Variants in SF3B3 observed in about 807,000 individuals in gnomAD.
SF3B3 encodes SAP 130.
Under a neutral mutation model 139.2 loss-of-function variants are expected in SF3B3, and 33 were observed. That is an observed-to-expected ratio of 0.24 (90% confidence interval 0.18 to 0.32). SF3B3 has a LOEUF of 0.32. Ranked by LOEUF, SF3B3 falls within the 10% of genes least tolerant of loss-of-function variation. The pLI, the probability that SF3B3 is intolerant of heterozygous loss-of-function variation, is 1.00. For missense variants in SF3B3, 818 were observed against 1,509.4 expected (o/e 0.54, Z 7.59); for synonymous variants, 596 against 563.6 (o/e 1.06, Z -0.81).
rs746103431 is a variant in SF3B3, at chr16:70,561,611, G to GT, written c.2134-9dup. ...TTTTCCCAAACCTTATTGGAGCTGG[G>GT]TTTTTTTTTTCCCCTCAGGTATTGG... On this transcript the variant is annotated intron_variant, in intron 16 of 25. Transcript: ENST00000302516. The GT allele has an allele frequency of 4.3e-3, 6,006 of 1,412,446 alleles. No homozygotes were observed. The highest frequency in any genetic ancestry group is 6.2e-3 in the South Asian group (472 of 76,648). 87.5% of individuals were successfully genotyped at this position (1,412,446 alleles called of 1,614,324 possible).
chr16:70,549,769 AC>A (rs2050304649), intron 11 of SF3B3, among the ~76,000 whole-genome samples: 1 of 152,084 alleles, frequency 6.6e-6, no homozygotes. Context: ...TACTAAAAAT[AC>A]AAAAATTAGC....
At chr16:70,527,242 A>T (rs2050073081) in intron 2 of SF3B3, among the ~76,000 whole-genome samples, 1 of 152,204 alleles carries the variant, frequency 6.6e-6, no homozygotes, top group East Asian at 1.9e-4. Flanking sequence ...CCATGTGGGG[A>T]ATATTTTTGT....
intron 4 of SF3B3, among the ~76,000 whole-genome samples, 181 bp from the exon 5 acceptor site, chr16:70,532,298 A>G (rs976878055): frequency 6.9e-6 from 1 of 144,638 alleles, no homozygotes; most frequent in Non-Finnish European, 1.5e-5. Context: ...CTCAAAAAAA[A>G]AAAAAGATCA....
At chr16:70,546,998 A>C (rs575902346) in intron 10 of SF3B3, among the ~76,000 whole-genome samples, 2 of 152,028 alleles carry the variant, frequency 1.3e-5, no homozygotes, top group African/African-American at 4.8e-5. Context: ...ATTGCACTCG[A>C]GCCTGGGCGA....
intron 4 of SF3B3, among the ~76,000 whole-genome samples, chr16:70,531,733 A>G (rs538026892): frequency 6.6e-6 from 1 of 152,362 alleles, no homozygotes; most frequent in East Asian, 1.9e-4. Context: ...TTATTGGGAA[A>G]AGCTTCATGA....
Position 70,541,641 on chromosome 16 carries a change from A to G in SF3B3, c.1068-28A>G, listed in dbSNP as rs1597711974. 4 of 1,600,638 alleles carry G rather than the reference A, an allele frequency of 2.5e-6. No homozygotes were observed. In the African/African-American group the frequency reaches 4.0e-5, roughly 16 times the overall value. On this transcript the variant is annotated intron_variant, in intron 8 of 25. Transcript: ENST00000302516. ...TCGTCAGGCAGAGAACTCGTTACCGAAAGTTTCTCTCCTCTGCTTCTTCCC... is the reference window on the plus strand; with the variant it reads ...TCGTCAGGCAGAGAACTCGTTACCGGAAGTTTCTCTCCTCTGCTTCTTCCC...
intron 20 of SF3B3, among the ~76,000 whole-genome samples, chr16:70,567,124 AC>A (rs1321074115): frequency 6.6e-6 from 1 of 152,060 alleles, no homozygotes; most frequent in African/African-American, 2.4e-5. Flanking sequence ...TCACTTGGCT[AC>A]TAAGGCTTCA....
At chr16:70,548,547 C>A in intron 11 of SF3B3, 105 bp downstream of exon 11, 1 of 986,334 alleles carries the variant, frequency 1.0e-6, no homozygotes, top group East Asian at 2.4e-5. Context: ...TCATTTAGCA[C>A]CATATACCAG....
chr16:70,569,616 T>C (rs962854442), intron 23 of SF3B3, among the ~76,000 whole-genome samples: 3 of 152,314 alleles, frequency 2.0e-5, no homozygotes, highest in African/African-American at 7.2e-5. Flanking sequence ...ATTTGTAGGG[T>C]TTAATAATTT....
Position 70,576,756 on chromosome 16 carries a change from A to G in SF3B3, c.*4943A>G, listed in dbSNP as rs540639834. 3 of 152,360 alleles carry G rather than the reference A, an allele frequency of 2.0e-5. No homozygotes were observed. The highest frequency in any genetic ancestry group is 4.8e-5 in the African/African-American group (2 of 41,582). The allele number at this position is 152,360 out of a possible 1,614,324, so 9.4% of individuals were successfully genotyped here. A position where few individuals can be genotyped will look rare whatever the true frequency, so the allele number is the denominator to read the frequency against. ...AGGCAGCAAAGTCCATGAAGAGAGC[A>G]CTGTATACAGTCAGATGACCTGGGC... On this transcript the variant is annotated 3_prime_UTR_variant, in exon 26 of 26. Transcript: ENST00000302516.
At position 70,544,553 on chromosome 16, in the gene SF3B3, A is replaced by G. The variant is rs977939146; in HGVS notation, c.1329+20A>G. On this transcript the variant is annotated intron_variant, in intron 10 of 25. Coordinates refer to ENST00000302516, the MANE Select transcript of SF3B3 (RefSeq NM_012426.5). ...CTTGAGGTAAGGTTGCAATTTCTAG[A>G]TAATCTGCAGGGTTTGGAGGGAAGC... 9.9e-6 allele frequency: 14 copies of G among 1,420,856 alleles called. No individual in the cohort carries two copies. Among genetic ancestry groups the G allele is most frequent in the African/African-American group, 4.2e-5 (3 of 71,038 alleles). 88.0% of individuals were successfully genotyped at this position (1,420,856 alleles called of 1,614,324 possible).
Position 70,529,177 on chromosome 16 carries a change from C to T in SF3B3, c.375C>T (p.Pro125=), listed in dbSNP as rs1229083659. 6.3e-7 allele frequency: 1 copy of T among 1,589,662 alleles called. No homozygotes were observed. Among genetic ancestry groups the T allele is most frequent in the Non-Finnish European group, 8.5e-7 (1 of 1,169,852 alleles). The part of the protein sequence containing the change: ...IVPGQFLAVD[P]KGRAVMISAI... The stretch of plus-strand genomic sequence containing the variant: ...CTGGCCAGTTCTTAGCTGTGGATCC[C>T]AAAGGGCGAGCCGTTATGATTAGTA... The change falls in exon 3 of 26, where the codon CCC becomes CCT. Residue 125 remains proline, a synonymous_variant. Transcript: ENST00000302516.
Position 70,570,071 on chromosome 16 carries a change from C to T in SF3B3, c.3330C>T (p.Ile1110=), listed in dbSNP as rs2050514033. 1 of 1,614,060 alleles carries T rather than the reference C, an allele frequency of 6.2e-7. No homozygotes were observed. The highest frequency in any genetic ancestry group is 2.2e-5 in the East Asian group (1 of 44,870). Residue 1110 remains isoleucine (I), a synonymous_variant, in exon 24 of 26, where the codon ATC becomes ATT. Coordinates refer to ENST00000302516, the MANE Select transcript of SF3B3 (RefSeq NM_012426.5). ...TVLSLQKTTL[I]PGGSESLVYT... is the part of the protein sequence containing the mutation. ...TGTCCTTGCAGAAGACCACGCTGATCCCTGGAGGCTCAGAATCACTTGTCT... is the reference window on the plus strand; with the variant it reads ...TGTCCTTGCAGAAGACCACGCTGATTCCTGGAGGCTCAGAATCACTTGTCT...
intron 15 of SF3B3, 42 bp downstream of exon 15, chr16:70,557,071 T>G: frequency 6.5e-7 from 1 of 1,550,226 alleles, no homozygotes. Context: ...TTAGGCCTTC[T>G]GTACGTTTCA....
Position 70,567,443 on chromosome 16 carries a change from C to T in SF3B3, c.2859C>T (p.Ala953=), listed in dbSNP as rs1567425648. ...TPVEEVPAAI[A]PFQGRVLIGV... ...TGGAAGAGGTCCCTGCTGCTATTGC[C>T]CCATTCCAGGGGAGGGTGTTGATTG... Residue 953 remains alanine, a synonymous_variant, in exon 21 of 26, where the codon GCC becomes GCT. Coordinates refer to ENST00000302516, the MANE Select transcript of SF3B3 (RefSeq NM_012426.5). 1.2e-6 allele frequency: 2 copies of T among 1,613,988 alleles called. No homozygotes were observed. The highest frequency in any genetic ancestry group is 1.7e-6 in the Non-Finnish European group (2 of 1,179,968).
At chr16:70,551,706 A>G (rs2050328084) in intron 11 of SF3B3, among the ~76,000 whole-genome samples, 1 of 152,172 alleles carries the variant, frequency 6.6e-6, no homozygotes, top group Non-Finnish European at 1.5e-5. Context: ...CTCTCCAAAA[A>G]AAAACTAATA....
intron 6 of SF3B3, among the ~76,000 whole-genome samples, chr16:70,537,404 C>T (rs2050178949): frequency 6.6e-6 from 1 of 152,144 alleles, no homozygotes; most frequent in South Asian, 2.1e-4. Flanking sequence ...CTTCCTGAGA[C>T]TAGTGAATAT....
At chr16:70,543,633 A>G (rs891835848) in intron 9 of SF3B3, among the ~76,000 whole-genome samples, 5 of 152,024 alleles carry the variant, frequency 3.3e-5, no homozygotes, top group Admixed American at 6.6e-5. Flanking sequence ...GCTTGAACCC[A>G]GGAGATGGAG....
chr16:70,531,388 C>G (rs1157147472), intron 4 of SF3B3, among the ~76,000 whole-genome samples: 1 of 152,202 alleles, frequency 6.6e-6, no homozygotes, highest in African/African-American at 2.4e-5. Flanking sequence ...GCTGCAACCT[C>G]TGCCTCAGCC....
Sources: allele counts gnomAD v4.1 joint callset (sites outside exome capture counted in the v4.1 genomes callset), GRCh38; gene constraint gnomAD v4.1.1; transcripts MANE v1.5; gene names NCBI Gene and HGNC (gene_info 2026-07-23, HGNC 2026-07-21).